MMP7: variants seen among roughly 807,000 people sequenced by gnomAD.
The protein encoded by MMP7 is matrilysin.
In MMP7, 26 loss-of-function variants were observed where a neutral mutation model predicts 31.5. The observed-to-expected ratio is 0.83, with a 90% CI of 0.61 to 1.15. MMP7 has a LOEUF of 1.15. Among genes scored for constraint, MMP7 ranks in the 50% most tolerant of loss-of-function variants. The pLI is 0.00. For missense variants in MMP7, 367 were observed against 326.5 expected (o/e 1.12, Z -0.96); for synonymous variants, 142 against 124.2 (o/e 1.14, Z -0.95).
At chr11:102,523,430 T>A in intron 4 of MMP7, 29 bp from the exon 5 acceptor site, 1 of 1,539,938 alleles carries the variant, frequency 6.5e-7, no homozygotes, top group East Asian at 2.3e-5. Flanking sequence ...CAAACAGTAA[T>A]GATAAAAATA....
Position 102,524,933 on chromosome 11 carries a change from T to C in MMP7, c.613+3A>G, listed in dbSNP as rs201848198. 924 of 1,613,280 alleles carry C rather than the reference T, an allele frequency of 5.7e-4. 13 individuals are homozygous for C. In the South Asian group the frequency reaches 7.9e-3, roughly 14 times the overall value. On this transcript the variant is annotated splice_donor_region_variant and intron_variant, in intron 4 of 5. Transcript: ENST00000260227. ...GGAGTAGAAGAGACATGAGATGCTA[T>C]ACCTAGACTGCTACCATCCGTCCAG...
chr11:102,528,288 C>T (rs1858696300), intron 1 of MMP7, among the ~76,000 whole-genome samples: 1 of 152,142 alleles, frequency 6.6e-6, no homozygotes, highest in Non-Finnish European at 1.5e-5. Flanking sequence ...TGTGTAAGAG[C>T]AATCAGGAAG....
At position 102,530,739 on chromosome 11, in the gene MMP7, T is replaced by C; in HGVS notation, c.-39A>G. Reference sequence around the variant, plus strand: ...AGACAATTGTTCTTGGACCTATGGTTGATTTGGTGTTTTCTGCTAGTGACT... The same window carrying C: ...AGACAATTGTTCTTGGACCTATGGTCGATTTGGTGTTTTCTGCTAGTGACT... On this transcript the variant is annotated 5_prime_UTR_variant, in exon 1 of 6. Coordinates refer to ENST00000260227, the MANE Select transcript of MMP7 (RefSeq NM_002423.5). 3 of 1,578,520 alleles carry C rather than the reference T, an allele frequency of 1.9e-6. No individual in the cohort carries two copies. Among genetic ancestry groups the C allele is most frequent in the Non-Finnish European group, 2.6e-6 (3 of 1,152,970 alleles).
chr11:102,521,500 T>G (rs1235527344), intron 5 of MMP7, among the ~76,000 whole-genome samples: 2 of 152,198 alleles, frequency 1.3e-5, no homozygotes, highest in Admixed American at 6.5e-5. Flanking sequence ...AGCCAGCTAT[T>G]ATTTTTATCA....
rs575182290 is a variant in MMP7 at position 102,520,698 on chromosome 11, C to G, written c.*78G>C. Reference sequence around the variant, plus strand: ...ATAATTGCTAAATGGAGTGGAGGAACAGTGCTTATCAATTCTGATTGTGCA... The same window carrying G: ...ATAATTGCTAAATGGAGTGGAGGAAGAGTGCTTATCAATTCTGATTGTGCA... On this transcript the variant is annotated 3_prime_UTR_variant, in exon 6 of 6. Transcript: ENST00000260227. 6.6e-6 allele frequency: 8 copies of G among 1,204,822 alleles called. No homozygotes were observed. The South Asian group carries it at 6.8e-5, about 10-fold the overall frequency. The allele number at this position is 1,204,822 out of a possible 1,614,324, so 74.6% of individuals were successfully genotyped here.
intron 1 of MMP7, among the ~76,000 whole-genome samples, chr11:102,529,979 G>T (rs1275425256): frequency 1.3e-5 from 2 of 152,140 alleles, no homozygotes; most frequent in African/African-American, 4.8e-5. Flanking sequence ...AATACCCCAT[G>T]AGGTATAAAA....
chr11:102,524,860 A>G (rs760962740), intron 4 of MMP7, 76 bp downstream of exon 4: 1 of 1,474,030 alleles, frequency 6.8e-7, no homozygotes, highest in South Asian at 1.4e-5. Flanking sequence ...ATTATAAATT[A>G]ATATAATTAT....
chr11:102,523,381 C>T lies in MMP7; in HGVS notation c.634G>A (p.Ala212Thr). ...SSLGINFLYA[A>T]THELGHSLGM... ...AAAGAATGGCCAAGTTCATGAGTTG[C>T]AGCATACAGGAAGTTAATCCCTACA... is the stretch of plus-strand genomic sequence containing the variant. The change falls in exon 5 of 6, where the codon GCA becomes ACA. Residue 212 changes from alanine (A) to threonine (T), a missense_variant. Ala to Thr is a moderately conservative substitution (Grantham distance 58). Transcript: ENST00000260227. 1 of 1,607,218 alleles carries T rather than the reference C, an allele frequency of 6.2e-7. No individual in the cohort carries two copies. Among genetic ancestry groups the T allele is most frequent in the South Asian group, 1.1e-5 (1 of 89,298 alleles).
chr11:102,529,913 C>T (rs1858716361), intron 1 of MMP7, among the ~76,000 whole-genome samples: 1 of 152,132 alleles, frequency 6.6e-6, no homozygotes, highest in Non-Finnish European at 1.5e-5. Flanking sequence ...ACTTTATAAT[C>T]TACAATTGTT....
rs1375429722 is a variant in MMP7 at position 102,524,983 on chromosome 11, T to C, written c.566A>G (p.Asp189Gly). Residue 189 changes from aspartate (D) to glycine (G), a missense_variant, in exon 4 of 6, where the codon GAT becomes GGT. Transcript: ENST00000260227. Reference sequence around the variant, plus strand: ...GCGTTCATCCTCATCGAAGTGAGCATCTCCTCCGAGACCTGTCCCAGGCGC... The same window carrying C: ...GCGTTCATCCTCATCGAAGTGAGCACCTCCTCCGAGACCTGTCCCAGGCGC... The part of the protein sequence containing the change: ...AFAPGTGLGG[D>G]AHFDEDERWT... The C allele has an allele frequency of 1.9e-6, 3 of 1,613,902 alleles. No homozygotes were observed. Among genetic ancestry groups the C allele is most frequent in the Admixed American group, 3.3e-5 (2 of 59,982 alleles).
At chr11:102,528,448 T>C (rs1565376825) in intron 1 of MMP7, among the ~76,000 whole-genome samples, 1 of 152,176 alleles carries the variant, frequency 6.6e-6, no homozygotes, top group Non-Finnish European at 1.5e-5. Flanking sequence ...AAATTTTAGC[T>C]CTGGGAAAAG....
At position 102,527,939 on chromosome 11, in the gene MMP7, A is replaced by AT. The variant is rs749814192; in HGVS notation, c.152dup (p.Asn51LysfsTer51). The AT allele has an allele frequency of 5.0e-6, 8 of 1,613,934 alleles. No homozygotes were observed. The highest frequency in any genetic ancestry group is 1.7e-5 in the Admixed American group (1 of 59,992). ...TGAGTTTGGCTTCTAAACTGTTGGCATTTTTTGTTTCTGAGTCATAGAGAT... is the reference window on the plus strand; with the variant it reads ...TGAGTTTGGCTTCTAAACTGTTGGCATTTTTTTGTTTCTGAGTCATAGAGAT... On this transcript the variant is annotated frameshift_variant, in exon 2 of 6. Transcript: ENST00000260227. LOFTEE classifies it high-confidence loss of function.
chr11:102,525,098 T>G, intron 3 of MMP7, 34 bp from the exon 4 acceptor site: 1 of 1,567,538 alleles, frequency 6.4e-7, no homozygotes. Flanking sequence ...TCTTAGTGAC[T>G]GATTTTTTTT....
intron 5 of MMP7, among the ~76,000 whole-genome samples, chr11:102,522,522 C>G (rs1350515087): frequency 1.3e-5 from 2 of 152,188 alleles, no homozygotes; most frequent in Non-Finnish European, 2.9e-5. Context: ...GGAATCATGG[C>G]TCAAGCACTC....
intron 1 of MMP7, among the ~76,000 whole-genome samples, chr11:102,529,976 C>A (rs966680671): frequency 2.0e-5 from 3 of 152,128 alleles, no homozygotes; most frequent in Non-Finnish European, 4.4e-5. Flanking sequence ...TAGAATACCC[C>A]ATGAGGTATA....
At chr11:102,526,507 G>C (rs1025431919) in intron 3 of MMP7, among the ~76,000 whole-genome samples, 6 of 152,014 alleles carry the variant, frequency 3.9e-5, no homozygotes, top group African/African-American at 1.4e-4. Flanking sequence ...GAAGTGCTGG[G>C]ATTACAGGCG....
Position 102,530,639 on chromosome 11 carries a change from G to T in MMP7, c.62C>A (p.Pro21His). 6.2e-7 allele frequency: 1 copy of T among 1,614,032 alleles called. No individual in the cohort carries two copies. Among genetic ancestry groups the T allele is most frequent in the Non-Finnish European group, 8.5e-7 (1 of 1,179,948 alleles). The change falls in exon 1 of 6, where the codon CCT (proline) becomes CAT (histidine). Residue 21 changes from proline (P) to histidine (H), a missense_variant. Coordinates refer to ENST00000260227, the MANE Select transcript of MMP7 (RefSeq NM_002423.5). ...LLPGSLALPLPQEAGGMSELQ... is the reference protein window; with the variant it reads ...LLPGSLALPLHQEAGGMSELQ... ...CTCACTCATGCCTCCCGCCTCCTGAGGCAGCGGCAGGGCCAGGCTGCCAGG... is the reference window on the plus strand; with the variant it reads ...CTCACTCATGCCTCCCGCCTCCTGATGCAGCGGCAGGGCCAGGCTGCCAGG...
At chr11:102,522,396 C>T (rs1480835392) in intron 5 of MMP7, among the ~76,000 whole-genome samples, 2 of 152,292 alleles carry the variant, frequency 1.3e-5, no homozygotes, top group East Asian at 1.9e-4. Context: ...GTTATATCTG[C>T]TGATTTAAAG....
rs780442225 is a variant in MMP7, at chr11:102,520,819, A to G, written c.776-15T>C. The G allele has an allele frequency of 9.8e-6, 15 of 1,528,492 alleles. No homozygotes were observed. The highest frequency in any genetic ancestry group is 1.3e-5 in the Non-Finnish European group (14 of 1,119,978). The allele number at this position is 1,528,492 out of a possible 1,614,324, so 94.7% of individuals were successfully genotyped here. A position where few individuals can be genotyped will look rare whatever the true frequency, so the allele number is the denominator to read the frequency against. ...ACTTCTCTTTCCTATTGAGAGAAAA[A>G]AAAAGAACATTCTGATATGTAGAAA... On this transcript the variant is annotated splice_polypyrimidine_tract_variant and intron_variant, in intron 5 of 5. Transcript: ENST00000260227.
Sources: allele counts gnomAD v4.1 joint callset (sites outside exome capture counted in the v4.1 genomes callset), GRCh38; gene constraint gnomAD v4.1.1; transcripts MANE v1.5; gene names NCBI Gene and HGNC (gene_info 2026-07-23, HGNC 2026-07-21).